Variants in DEFB131A observed in about 807,000 individuals in gnomAD.
DEFB131A encodes the protein beta-defensin 131A.
A neutral mutation model predicts 2.4 loss-of-function variants in DEFB131A; 5 were observed. That is an observed-to-expected ratio of 2.12 (90% CI 1.11 to 4.47). The LOEUF is 4.47. Ranked by LOEUF, DEFB131A falls within the 30% of genes most tolerant of loss-of-function variation. The pLI is 0.00. For synonymous variants in DEFB131A, 34 were observed against 25.7 expected, an observed-to-expected ratio of 1.32 and a Z score of -0.97; for missense variants, 120 against 79.9, an observed-to-expected ratio of 1.50 and a Z score of -1.91.
chr4:9,449,942 A>T (rs1388319019), intron 1 of DEFB131A, among the ~76,000 whole-genome samples: 2 of 152,042 alleles, frequency 1.3e-5, no homozygotes, highest in Non-Finnish European at 1.5e-5. Context: ...ATTTATCCAT[A>T]ATCTACCTTC....
intron 1 of DEFB131A, among the ~76,000 whole-genome samples, chr4:9,446,773 G>T (rs1405162041): frequency 1.3e-5 from 2 of 151,884 alleles, no homozygotes; most frequent in Non-Finnish European, 2.9e-5. Flanking sequence ...CATAGGTTTT[G>T]GTATGTTGTG....
At chr4:9,449,765 C>G (rs6828023) in intron 1 of DEFB131A, among the ~76,000 whole-genome samples, 151,871 of 152,204 alleles carry the variant, frequency 1, 75,771 homozygotes, top group East Asian at 1. Flanking sequence ...CAATAAAGGA[C>G]ACATGGCCTT....
intron 1 of DEFB131A, among the ~76,000 whole-genome samples, chr4:9,448,752 A>G (rs1183525585): frequency 6.6e-6 from 1 of 152,218 alleles, no homozygotes; most frequent in Non-Finnish European, 1.5e-5. Context: ...GTGAAAAACT[A>G]AAAGCTTTTC....
intron 1 of DEFB131A, among the ~76,000 whole-genome samples, chr4:9,447,197 A>G (rs1717525695): frequency 6.6e-6 from 1 of 152,186 alleles, no homozygotes; most frequent in South Asian, 2.1e-4. Flanking sequence ...TGAAGCCCTC[A>G]GTTATCATGA....
chr4:9,445,892 A>G (rs6810524), intron 1 of DEFB131A, among the ~76,000 whole-genome samples: 14 of 152,246 alleles, frequency 9.2e-5, no homozygotes, highest in African/African-American at 3.4e-4. Flanking sequence ...CCTATTCTGG[A>G]CATTTACTAT....
intron 1 of DEFB131A, among the ~76,000 whole-genome samples, chr4:9,447,734 C>T (rs1300447181): frequency 3.4e-5 from 5 of 147,192 alleles, no homozygotes; most frequent in African/African-American, 1.3e-4. Context: ...AAAAAAAAAA[C>T]TTATCTTCAA....
chr4:9,448,102 AACACGCAAGATAAATACAAAAAATTT>A, intron 1 of DEFB131A, among the ~76,000 whole-genome samples: 1 of 152,112 alleles, frequency 6.6e-6, no homozygotes, highest in East Asian at 1.9e-4. Context: ...CTGAGAGAAT[AACACGCAAGATAAATACAAAAAATTT>A]AAACATAGGC....
intron 1 of DEFB131A, among the ~76,000 whole-genome samples, chr4:9,448,247 C>G (rs567316094): frequency 6.6e-6 from 1 of 151,142 alleles, no homozygotes; most frequent in African/African-American, 2.4e-5. Context: ...AGAATTACAT[C>G]AGACTTCTCT....
At chr4:9,450,281 T>G in intron 1 of DEFB131A, 79 bp from the exon 2 acceptor site, 7 of 1,317,708 alleles carry the variant, frequency 5.3e-6, no homozygotes, top group Non-Finnish European at 6.8e-6. Context: ...TGTTTTTAAT[T>G]TATTATAAAA....
At chr4:9,445,893 C>T (rs529726717) in intron 1 of DEFB131A, among the ~76,000 whole-genome samples, 14 of 152,264 alleles carry the variant, frequency 9.2e-5, no homozygotes, top group African/African-American at 3.4e-4. Flanking sequence ...CTATTCTGGA[C>T]ATTTACTATG....
In DEFB131A at chr4:9,450,644, T is replaced by C. The variant is rs1245254148; in HGVS notation, c.*130T>C. On this transcript the variant is annotated 3_prime_UTR_variant, in exon 2 of 2. Transcript: ENST00000334879. ...GTTTAGATGGTCAGGTGAAAATGAA[T>C]ATAAATTTTATAAATGCTTCCACTC... The C allele has an allele frequency of 1.6e-6, 2 of 1,272,120 alleles. No individual in the cohort carries two copies. Among genetic ancestry groups the C allele is most frequent in the Admixed American group, 2.6e-5 (1 of 38,376 alleles). 78.8% of individuals were successfully genotyped at this position (1,272,120 alleles called of 1,614,324 possible).
chr4:9,444,518 C>T lies in DEFB131A; in HGVS notation c.-16C>T, dbSNP rs752133027. 146 of 1,611,254 alleles carry T rather than the reference C, an allele frequency of 9.1e-5. 1 individual carries two copies. Among genetic ancestry groups the T allele is most frequent in the East Asian group, 2.2e-5 (1 of 44,868 alleles). ...TCAGCTACTGATTCTCTCTAACCTG[C>T]TTTACCTATTCAACCATGAGGGTCT... On this transcript the variant is annotated 5_prime_UTR_variant, in exon 1 of 2. Transcript: ENST00000334879.
intron 1 of DEFB131A, among the ~76,000 whole-genome samples, chr4:9,448,550 C>T (rs1336458433): frequency 6.6e-6 from 1 of 152,128 alleles, no homozygotes. Flanking sequence ...TCTCGAACTC[C>T]TGACCTCAGG....
intron 1 of DEFB131A, among the ~76,000 whole-genome samples, chr4:9,447,800 G>C (rs1003974955): frequency 6.6e-6 from 1 of 152,004 alleles, no homozygotes; most frequent in African/African-American, 2.4e-5. Context: ...AAATTTTGGA[G>C]GAACACTTGT....
At chr4:9,450,102 T>G (rs1717616939) in intron 1 of DEFB131A, among the ~76,000 whole-genome samples, 1 of 152,158 alleles carries the variant, frequency 6.6e-6, no homozygotes. Context: ...TCATTTTAGG[T>G]AGAAATATGT....
chr4:9,445,777 CT>C (rs763003412), intron 1 of DEFB131A, among the ~76,000 whole-genome samples: 48 of 152,182 alleles, frequency 3.2e-4, no homozygotes, highest in Non-Finnish European at 4.6e-4. Flanking sequence ...TTGTGCACCC[CT>C]CACCATTATC....
At chr4:9,445,477 T>C (rs1717471188) in intron 1 of DEFB131A, among the ~76,000 whole-genome samples, 1 of 152,078 alleles carries the variant, frequency 6.6e-6, no homozygotes, top group Non-Finnish European at 1.5e-5. Context: ...TTAAAATTCA[T>C]CAATACCCCA....
intron 1 of DEFB131A, among the ~76,000 whole-genome samples, chr4:9,448,408 G>T (rs186958504): frequency 6.6e-6 from 1 of 151,976 alleles, no homozygotes; most frequent in African/African-American, 2.4e-5. Context: ...GAGTGCAGTG[G>T]CAGTGACCTT....
In DEFB131A at chr4:9,450,462, G is replaced by T. The variant is rs765057087; in HGVS notation, c.161G>T (p.Ser54Ile). 1.9e-6 allele frequency: 3 copies of T among 1,610,792 alleles called. No individual in the cohort carries two copies. Among genetic ancestry groups the T allele is most frequent in the African/African-American group, 2.7e-5 (2 of 74,852 alleles). Residue 54 changes from serine (S) to isoleucine (I), a missense_variant, in exon 2 of 2, where the codon AGC (serine) becomes ATC (isoleucine). Physicochemically the swap from Ser to Ile is moderately radical, Grantham distance 142. Coordinates refer to ENST00000334879, the MANE Select transcript of DEFB131A (RefSeq NM_001040448.3). ...GCAATTAGATACTGTGCTGACTTCA[G>T]CATCTGCTGCAAACTGAAGATCATT... The part of the protein sequence containing the change: ...EHAIRYCADF[S>I]ICCKLKIIEI...
Sources: gnomAD v4.1 joint callset for allele counts (sites outside exome capture counted in the v4.1 genomes callset) on GRCh38, gnomAD v4.1.1 for gene constraint, MANE v1.5 for transcripts, NCBI Gene and HGNC (gene_info 2026-07-23, HGNC 2026-07-21) for gene names.